TRIP4: variants seen among roughly 807,000 people sequenced by gnomAD.
TRIP4 encodes activating signal cointegrator 1.
A neutral mutation model predicts 81.8 loss-of-function variants in TRIP4; 54 were observed. The ratio of observed to expected loss-of-function variants is 0.66; its 90% CI spans 0.53 to 0.83. The LOEUF is 0.83. Among genes scored for constraint, TRIP4 ranks in the 40% least tolerant of loss-of-function variants. The pLI, the probability that TRIP4 is intolerant of heterozygous loss-of-function variation, is 0.00. For missense variants in TRIP4, 662 were observed against 683.6 expected, an observed-to-expected ratio of 0.97 and a Z score of 0.35; for synonymous variants, 270 against 242.8, an observed-to-expected ratio of 1.11 and a Z score of -1.04.
At chr15:64,422,196 T>C (rs1287455145) in intron 9 of TRIP4, among the ~76,000 whole-genome samples, 1 of 152,200 alleles carries the variant, frequency 6.6e-6, no homozygotes, top group Non-Finnish European at 1.5e-5. Context: ...AGTATTATTA[T>C]AGTCTTTGAC....
chr15:64,433,416 C>T lies in TRIP4; in HGVS notation c.1575+7785C>T, dbSNP rs542336852. 2.3e-4 allele frequency among the ~76,000 whole-genome samples: 35 copies of T among 152,100 alleles called. No individual in the cohort carries two copies. In the South Asian group the frequency reaches 7.1e-3, roughly 31 times the overall value. ...AGGAGTTCGAGACCAGCCTGGTCAA[C>T]ATAATGAAACCTCATCTCTACTAAA... On this transcript the variant is annotated intron_variant, in intron 11 of 12. Coordinates refer to ENST00000261884, the MANE Select transcript of TRIP4 (RefSeq NM_016213.5).
intron 11 of TRIP4, among the ~76,000 whole-genome samples, chr15:64,431,847 A>ATATATATATATATATATATATAT: frequency 1.7e-5 from 2 of 119,556 alleles, no homozygotes; most frequent in African/African-American, 6.5e-5. Flanking sequence ...ATATATATAT[A>ATATATATATATATATATATATAT]TTTTTTTTAT....
chr15:64,451,237 C>T (rs550698016), intron 12 of TRIP4, among the ~76,000 whole-genome samples: 284 of 151,526 alleles, frequency 1.9e-3, no homozygotes, highest in Non-Finnish European at 3.3e-3. Context: ...CTCAGCCTCC[C>T]GAGTAGCTGG....
chr15:64,389,298 G>A (rs1900045794), intron 1 of TRIP4, among the ~76,000 whole-genome samples: 1 of 152,176 alleles, frequency 6.6e-6, no homozygotes, highest in South Asian at 2.1e-4. Context: ...GGAGAAAATA[G>A]ACTTTTGGCA....
chr15:64,418,576 G>A lies in TRIP4; in HGVS notation c.1206G>A (p.Lys402=), dbSNP rs759117438. 2 of 1,613,178 alleles carry A rather than the reference G, an allele frequency of 1.2e-6. No individual in the cohort carries two copies. The highest frequency in any genetic ancestry group is 1.7e-6 in the Non-Finnish European group (2 of 1,180,000). The change falls in exon 9 of 13, where the codon AAG becomes AAA. Residue 402 remains lysine, a synonymous_variant. Transcript: ENST00000261884. ...VDHTGAASQK[K]AFRSSGFGLE... is the part of the protein sequence containing the mutation. Reference sequence around the variant, plus strand: ...ACACAGGTGCAGCCTCACAGAAGAAGGCTTTCCGTTCTTCAGGATTTGGAC... The same window carrying A: ...ACACAGGTGCAGCCTCACAGAAGAAAGCTTTCCGTTCTTCAGGATTTGGAC...
At chr15:64,394,891 C>T (rs758966362) in intron 2 of TRIP4, among the ~76,000 whole-genome samples, 2 of 152,174 alleles carry the variant, frequency 1.3e-5, no homozygotes, top group Non-Finnish European at 2.9e-5. Flanking sequence ...ATTGCCCAGG[C>T]TGGAGTGATG....
At chr15:64,413,962 G>T in intron 7 of TRIP4, 123 bp from the exon 8 acceptor site, 1 of 1,065,698 alleles carries the variant, frequency 9.4e-7, no homozygotes. Flanking sequence ...AGTAGGGAAG[G>T]TCATCCATAG....
chr15:64,396,835 A>T (rs1416541451), intron 3 of TRIP4, among the ~76,000 whole-genome samples: 1 of 152,232 alleles, frequency 6.6e-6, no homozygotes, highest in Non-Finnish European at 1.5e-5. Context: ...GTTCAACTTC[A>T]GTTGATATGA....
intron 4 of TRIP4, among the ~76,000 whole-genome samples, chr15:64,398,894 A>C (rs1323797680): frequency 8.7e-6 from 1 of 115,422 alleles, no homozygotes; most frequent in African/African-American, 4.0e-5. Flanking sequence ...ATATTACTTC[A>C]TTTTCTCCTC....
chr15:64,442,286 T>C (rs1442973915), intron 11 of TRIP4, among the ~76,000 whole-genome samples: 1 of 152,144 alleles, frequency 6.6e-6, no homozygotes, highest in Non-Finnish European at 1.5e-5. Context: ...TAAGAGGTTA[T>C]TGCAGAAGCC....
chr15:64,450,940 T>C (rs1892744317), intron 12 of TRIP4: 1 of 230,546 alleles, frequency 4.3e-6, no homozygotes, highest in Admixed American at 4.4e-5. Context: ...GAAAATGATA[T>C]GTCTTTTTTT....
Position 64,387,905 on chromosome 15 carries a change from C to T in TRIP4, c.42C>T (p.His14=), listed in dbSNP as rs1034073729. ...AGAVSGEPLV[H]WCTQQLRKTF... ...CGGTGTCCGGGGAGCCGCTGGTGCA[C>T]TGGTGCACCCAGCAGTTGCGGAAGA... The change falls in exon 1 of 13, where the codon CAC becomes CAT. Residue 14 remains histidine, a synonymous_variant. Transcript: ENST00000261884. 5.2e-5 allele frequency: 81 copies of T among 1,550,488 alleles called. No individual in the cohort carries two copies. Among genetic ancestry groups the T allele is most frequent in the Non-Finnish European group, 6.5e-5 (75 of 1,147,162 alleles).
chr15:64,395,940 G>T (rs1976062), intron 3 of TRIP4, among the ~76,000 whole-genome samples: 1 of 150,238 alleles, frequency 6.7e-6, no homozygotes, highest in African/African-American at 2.5e-5. Flanking sequence ...ACAGAGTCTC[G>T]CTCTGTCGCC....
intron 1 of TRIP4, among the ~76,000 whole-genome samples, chr15:64,391,793 A>C: frequency 6.6e-6 from 1 of 150,994 alleles, no homozygotes; most frequent in East Asian, 2.0e-4. Context: ...AACATGGCAA[A>C]ACCTTGTCTC....
intron 12 of TRIP4, among the ~76,000 whole-genome samples, chr15:64,449,678 T>G (rs1340483768): frequency 6.6e-6 from 1 of 152,174 alleles, no homozygotes; most frequent in Non-Finnish European, 1.5e-5. Flanking sequence ...TGCTTGACCT[T>G]AAGGTAATTG....
intron 12 of TRIP4, 182 bp downstream of exon 12, chr15:64,445,290 C>T: frequency 2.6e-6 from 1 of 389,598 alleles, no homozygotes; most frequent in Non-Finnish European, 4.6e-6. Context: ...CTTTTCTTTT[C>T]TTTTTTTTTG....
chr15:64,436,708 CT>C (rs35087782), intron 11 of TRIP4, among the ~76,000 whole-genome samples: 70,427 of 85,386 alleles, frequency 0.82, 30,232 homozygotes, highest in East Asian at 0.95. Flanking sequence ...TCTATTACTG[CT>C]TTTTTTTTTT....
Position 64,424,014 on chromosome 15 carries a change from A to G in TRIP4, c.1359-17A>G. On this transcript the variant is annotated splice_polypyrimidine_tract_variant and intron_variant, in intron 9 of 12. Transcript: ENST00000261884. ...CTAGAATTTATATCCTTCCCACTAA[A>G]TTTCTATTTGTTTAAGGGTGGAGGG... 1 of 1,612,732 alleles carries G rather than the reference A, an allele frequency of 6.2e-7. No homozygotes were observed. Among genetic ancestry groups the G allele is most frequent in the Non-Finnish European group, 8.5e-7 (1 of 1,179,612 alleles).
At chr15:64,416,225 C>T (rs1891889047) in intron 8 of TRIP4, among the ~76,000 whole-genome samples, 2 of 151,580 alleles carry the variant, frequency 1.3e-5, no homozygotes, top group South Asian at 4.2e-4. Context: ...AGTGAGACCC[C>T]ATCTCTAAAA....
Sources: allele counts gnomAD v4.1 joint callset (sites outside exome capture counted in the v4.1 genomes callset), GRCh38; gene constraint gnomAD v4.1.1; transcripts MANE v1.5; gene names NCBI Gene and HGNC (gene_info 2026-07-23, HGNC 2026-07-21).